GLI2: variants seen among roughly 807,000 people sequenced by gnomAD.
GLI2 encodes the protein transcription activator GLI2.
Under a neutral mutation model 78.9 loss-of-function variants are expected in GLI2, and 22 were observed. The observed-to-expected ratio is 0.28, with a 90% CI of 0.20 to 0.40. The LOEUF is 0.40. Among genes scored for constraint, GLI2 ranks in the 10% least tolerant of loss-of-function variants. The pLI, the probability that GLI2 is intolerant of heterozygous loss-of-function variation, is 1.00. For missense variants in GLI2, 2,097 were observed against 2,213.2 expected, an observed-to-expected ratio of 0.95 and a Z score of 1.05; for synonymous variants, 974 against 963.7, an observed-to-expected ratio of 1.01 and a Z score of -0.20.
intron 2 of GLI2, among the ~76,000 whole-genome samples, chr2:120,856,408 TTTA>T (rs1230406568): frequency 1.8e-4 from 27 of 152,230 alleles, no homozygotes; most frequent in African/African-American, 6.3e-4. Flanking sequence ...AGGCCTCCCA[TTTA>T]TGGCAGGTTT....
In GLI2 at chr2:120,957,685, G is replaced by T. The variant is rs566421368; in HGVS notation, c.643+2255G>T. ...GCAGGAAAGGCTAAGCCAGGCAGCC[G>T]GGAGTCATCCAGTGATTTTCAGCAT... On this transcript the variant is annotated intron_variant, in intron 5 of 13. Transcript: ENST00000361492. Among the ~76,000 whole-genome samples, 229 of 152,322 alleles carry T rather than the reference G, an allele frequency of 1.5e-3. 1 individual carries two copies. Among genetic ancestry groups the T allele is most frequent in the Non-Finnish European group, 2.5e-3 (170 of 68,018 alleles).
intron 2 of GLI2, among the ~76,000 whole-genome samples, chr2:120,882,440 T>C (rs1677198734): frequency 6.6e-6 from 1 of 152,250 alleles, no homozygotes; most frequent in African/African-American, 2.4e-5. Context: ...TTCGCTCGCC[T>C]GTGAAATGTA....
chr2:120,881,524 G>A lies in GLI2; in HGVS notation c.149-45837G>A, dbSNP rs145297124. ...GGAGAGGGCAGGTCAAGGGAGGGCA[G>A]GTGGGAGGAGGACAGTGGGGGAAAG... On this transcript the variant is annotated intron_variant, in intron 2 of 13. Transcript: ENST00000361492. 5.9e-3 allele frequency among the ~76,000 whole-genome samples: 849 copies of A among 144,526 alleles called. 16 individuals are homozygous for A. The highest frequency in any genetic ancestry group is 0.038 in the Admixed American group (542 of 14,364). 94.8% of individuals were successfully genotyped at this position (144,526 alleles called of 152,430 possible).
chr2:120,984,894 C>T, intron 12 of GLI2, 151 bp downstream of exon 12: 1 of 756,852 alleles, frequency 1.3e-6, no homozygotes, highest in Non-Finnish European at 2.2e-6. Context: ...TCCCCCTTCA[C>T]CACCTTGGGC....
Position 120,803,373 on chromosome 2 carries a change from C to G in GLI2, c.148+5905C>G, listed in dbSNP as rs555066682. Among the ~76,000 whole-genome samples, 79 of 150,178 alleles carry G rather than the reference C, an allele frequency of 5.3e-4. 1 individual carries two copies. The highest frequency in any genetic ancestry group is 1.9e-3 in the African/African-American group (77 of 41,216). ...TCGAAAAGTGTTGGGCACAGAGGGCCTTGTGTGAGGTCCAAGTTGAGTATT... is the reference window on the plus strand; with the variant it reads ...TCGAAAAGTGTTGGGCACAGAGGGCGTTGTGTGAGGTCCAAGTTGAGTATT... On this transcript the variant is annotated intron_variant, in intron 2 of 13. Coordinates refer to ENST00000361492, the MANE Select transcript of GLI2 (RefSeq NM_001374353.1).
At chr2:120,792,863 C>T (rs982903698) in intron 1 of GLI2, among the ~76,000 whole-genome samples, 4 of 152,186 alleles carry the variant, frequency 2.6e-5, no homozygotes, top group African/African-American at 7.2e-5. Context: ...CCTCATGATC[C>T]GCCTGCCTCG....
intron 2 of GLI2, among the ~76,000 whole-genome samples, chr2:120,921,595 G>A (rs1040696764): frequency 1.3e-5 from 2 of 152,156 alleles, no homozygotes; most frequent in African/African-American, 4.8e-5. Context: ...GAGACCCAGA[G>A]AAGGGACATA....
rs143145489 is a variant in GLI2 at position 120,978,177 on chromosome 2, G to A, written c.1318-257G>A. On this transcript the variant is annotated intron_variant, in intron 9 of 13. Coordinates refer to ENST00000361492, the MANE Select transcript of GLI2 (RefSeq NM_001374353.1). ...CGCAGTAGGCCTTCATTTAAGGGCA[G>A]CTAGTGATGATTCATGAGGAGGCGT... Among the ~76,000 whole-genome samples the A allele has an allele frequency of 1.5e-3, 230 of 152,356 alleles. 1 individual carries two copies. Among genetic ancestry groups the A allele is most frequent in the African/African-American group, 5.2e-3 (218 of 41,592 alleles).
At chr2:120,886,187 TGTGTGTGTGTGTGTGTGTGTGTGC>T (rs760725803) in intron 2 of GLI2, among the ~76,000 whole-genome samples, 18,075 of 76,476 alleles carry the variant, frequency 0.24, 1,488 homozygotes, top group Middle Eastern at 0.44. Flanking sequence ...TGTGTGTGTG[TGTGTGTGTGTGTGTGTGTGTGTGC>T]GTGTATATTT....
intron 2 of GLI2, 50 bp downstream of exon 2, chr2:120,797,518 G>C (rs774788248): frequency 6.4e-7 from 1 of 1,564,664 alleles, no homozygotes; most frequent in Non-Finnish European, 8.8e-7. Context: ...TTTTTCATTA[G>C]CCCGTTAGGA....
intron 2 of GLI2, among the ~76,000 whole-genome samples, chr2:120,836,473 G>T (rs959235511): frequency 2.0e-5 from 3 of 152,108 alleles, no homozygotes; most frequent in Admixed American, 6.5e-5. Context: ...TTCTCTCCTC[G>T]CCTGTTGAGG....
intron 2 of GLI2, among the ~76,000 whole-genome samples, chr2:120,879,220 A>G (rs1035489035): frequency 6.6e-6 from 1 of 152,150 alleles, no homozygotes; most frequent in African/African-American, 2.4e-5. Context: ...GCCTTTCGCC[A>G]GACACTGTGC....
At chr2:120,742,862 C>G (rs1558775907) in intron 1 of GLI2, among the ~76,000 whole-genome samples, 1 of 152,114 alleles carries the variant, frequency 6.6e-6, no homozygotes, top group Non-Finnish European at 1.5e-5. Context: ...AGAAGCTGTG[C>G]AGGTGAAATG....
At chr2:120,826,241 C>T (rs1275005438) in intron 2 of GLI2, among the ~76,000 whole-genome samples, 2 of 152,180 alleles carry the variant, frequency 1.3e-5, no homozygotes, top group Non-Finnish European at 2.9e-5. Flanking sequence ...GGGCTGAGTG[C>T]ATGCAGCTGA....
chr2:120,953,989 C>T (rs971478824), intron 4 of GLI2, among the ~76,000 whole-genome samples: 8 of 152,120 alleles, frequency 5.3e-5, no homozygotes, highest in East Asian at 1.9e-4. Flanking sequence ...CCCACGTACC[C>T]GCTTACAGCC....
Position 120,816,192 on chromosome 2 carries a change from C to CTTTT in GLI2, c.148+18737_148+18740dup, listed in dbSNP as rs3053837. ...AAAAATTACTGAGGACCCCAAAGAG[C>CTTTT]TTTTTTTTTTTTTTTTGAGACTGAG... is the stretch of plus-strand genomic sequence containing the variant. On this transcript the variant is annotated intron_variant, in intron 2 of 13. Transcript: ENST00000361492. Among the ~76,000 whole-genome samples, 987 of 134,858 alleles carry CTTTT rather than the reference C, an allele frequency of 7.3e-3. 23 individuals carry two copies. Among genetic ancestry groups the CTTTT allele is most frequent in the African/African-American group, 0.026 (908 of 35,410 alleles). The allele number at this position is 134,858 out of a possible 152,430, so 88.5% of individuals were successfully genotyped here.
At chr2:120,886,565 C>A (rs559449929) in intron 2 of GLI2, among the ~76,000 whole-genome samples, 4 of 152,322 alleles carry the variant, frequency 2.6e-5, no homozygotes, top group Admixed American at 2.6e-4. Flanking sequence ...CTGGGCACAG[C>A]CCCAAAGTGT....
chr2:120,768,853 T>A (rs1184892989), intron 1 of GLI2, among the ~76,000 whole-genome samples: 27 of 151,576 alleles, frequency 1.8e-4, no homozygotes, highest in Admixed American at 1.8e-3. Context: ...CCTGCCCCAC[T>A]CCGCCCCACC....
chr2:120,764,431 C>CT lies in GLI2; in HGVS notation c.-31+28150dup, dbSNP rs199672409. ...CAGGTGTTTCTGTGAATGCTTTAAT[C>CT]TTTTAAAAAAAAGAGAACGGATTAC... is the stretch of plus-strand genomic sequence containing the variant. On this transcript the variant is annotated intron_variant, in intron 1 of 13. Coordinates refer to ENST00000361492, the MANE Select transcript of GLI2 (RefSeq NM_001374353.1). Among the ~76,000 whole-genome samples, 856 of 148,246 alleles carry CT rather than the reference C, an allele frequency of 5.8e-3. 12 individuals are homozygous for CT. The highest frequency in any genetic ancestry group is 0.02 in the African/African-American group (794 of 39,272).
Sources: allele counts gnomAD v4.1 joint callset (sites outside exome capture counted in the v4.1 genomes callset), GRCh38; gene constraint gnomAD v4.1.1; transcripts MANE v1.5; gene names NCBI Gene and HGNC (gene_info 2026-07-23, HGNC 2026-07-21).